HAL: variants seen among roughly 807,000 people sequenced by gnomAD.
The protein encoded by HAL is histidase.
In HAL, 85 loss-of-function variants were observed where a neutral mutation model predicts 81.1. The observed-to-expected ratio is 1.05, with a 90% CI of 0.88 to 1.25. The LOEUF is 1.25. Among genes scored for constraint, HAL ranks in the 50% most tolerant of loss-of-function variants. The pLI, the probability that HAL is intolerant of heterozygous loss-of-function variation, is 0.00. For synonymous variants in HAL, 301 were observed against 309.2 expected, an observed-to-expected ratio of 0.97 and a Z score of 0.28; for missense variants, 798 against 836.6, an observed-to-expected ratio of 0.95 and a Z score of 0.57.
chr12:95,988,148 TAAA>T (rs769484102), intron 11 of HAL, 42 bp downstream of exon 11: 69 of 918,246 alleles, frequency 7.5e-5, no homozygotes, highest in Non-Finnish European at 1.1e-4. Flanking sequence ...ACTGCATAAA[TAAA>T]AACTCATGCA....
chr12:95,989,539 A>G (rs1377173147), intron 10 of HAL: 1 of 152,428 alleles, frequency 6.6e-6, no homozygotes, highest in African/African-American at 2.4e-5. Context: ...GCAGAACCAC[A>G]CATAGAAGGG....
chr12:95,983,404 A>T (rs1454648034), intron 15 of HAL, among the ~76,000 whole-genome samples: 1 of 152,216 alleles, frequency 6.6e-6, no homozygotes. Context: ...AACAAAAAAA[A>T]AAATGCCAAA....
In HAL at chr12:95,994,976, T is replaced by G; in HGVS notation, c.265A>C (p.Met89Leu). 1 of 1,611,416 alleles carries G rather than the reference T, an allele frequency of 6.2e-7. No homozygotes were observed. Among genetic ancestry groups the G allele is most frequent in the Non-Finnish European group, 8.5e-7 (1 of 1,177,602 alleles). The change falls in exon 3 of 21, where the codon ATG becomes CTG. Residue 89 changes from methionine to leucine, a missense_variant. Physicochemically the swap from Met to Leu is conservative, Grantham distance 15 (BLOSUM62 2). Transcript: ENST00000261208. ...FVEVVIEGDA[M>L]SPDFIPSQPE... ...TGAGATGGAATGAAGTCAGGAGACA[T>G]GGCATCACCCTCTATAACTAAAACA...
chr12:95,977,423 G>A (rs969683585), intron 18 of HAL, among the ~76,000 whole-genome samples: 3 of 151,328 alleles, frequency 2.0e-5, no homozygotes, highest in South Asian at 2.1e-4. Context: ...TGGGAGGATC[G>A]CTTGAGGCCA....
At chr12:95,980,926 C>T (rs2080787117) in intron 15 of HAL, 63 bp from the exon 16 acceptor site, 5 of 960,136 alleles carry the variant, frequency 5.2e-6, no homozygotes, top group Admixed American at 1.7e-5. Context: ...CAACCCCTTC[C>T]TGCCTTCTTT....
At chr12:95,995,289 G>C (rs1950020493) in intron 2 of HAL, 2 of 567,388 alleles carry the variant, frequency 3.5e-6, no homozygotes, top group Non-Finnish European at 6.3e-6. Flanking sequence ...CTATGCTGCC[G>C]GCCTCCAGTC....
chr12:95,993,358 C>G, intron 8 of HAL, 93 bp downstream of exon 8: 1 of 874,100 alleles, frequency 1.1e-6, no homozygotes, highest in South Asian at 1.3e-5. Context: ...GAGAAACTAG[C>G]TTTTTGTGAC....
At chr12:95,988,918 T>G (rs1232868407) in intron 10 of HAL, among the ~76,000 whole-genome samples, 1 of 152,094 alleles carries the variant, frequency 6.6e-6, no homozygotes, top group Non-Finnish European at 1.5e-5. Context: ...CTGGTCCCAT[T>G]TACTACGTCA....
chr12:95,992,408 C>T (rs1427056321), intron 9 of HAL, among the ~76,000 whole-genome samples: 3 of 152,216 alleles, frequency 2.0e-5, no homozygotes, highest in African/African-American at 7.2e-5. Flanking sequence ...AATGTAAGGG[C>T]AGACTTAAGA....
At chr12:95,975,219 C>T (rs1448502222) in intron 20 of HAL, among the ~76,000 whole-genome samples, 1 of 152,266 alleles carries the variant, frequency 6.6e-6, no homozygotes, top group Non-Finnish European at 1.5e-5. Flanking sequence ...GGCCTTCACC[C>T]AGACCTACTG....
intron 9 of HAL, among the ~76,000 whole-genome samples, chr12:95,991,658 G>A (rs1347382457): frequency 6.6e-6 from 1 of 152,196 alleles, no homozygotes; most frequent in Non-Finnish European, 1.5e-5. Context: ...GTCGGGTATG[G>A]CAGTGCCATC....
intron 4 of HAL, 42 bp downstream of exon 4, chr12:95,994,756 G>A (rs756903994): frequency 1.3e-6 from 2 of 1,587,528 alleles, no homozygotes; most frequent in Non-Finnish European, 1.7e-6. Context: ...TAAATAAGGG[G>A]CCTTAATTTT....
intron 2 of HAL, 111 bp from the exon 3 acceptor site, chr12:95,995,104 C>T: frequency 1.2e-6 from 1 of 829,148 alleles, no homozygotes; most frequent in Non-Finnish European, 2.1e-6. Flanking sequence ...GAAATGGCTG[C>T]TTTAAAACTG....
Position 95,982,611 on chromosome 12 carries a change from T to TA in HAL, c.1287+1299dup, listed in dbSNP as rs200465916. Among the ~76,000 whole-genome samples, 1,200 of 152,334 alleles carry TA rather than the reference T, an allele frequency of 7.9e-3. 21 individuals carry two copies. The highest frequency in any genetic ancestry group is 0.074 in the South Asian group (355 of 4,828). The stretch of plus-strand genomic sequence containing the variant: ...AGACCCACAATTTCTGAGGCTTATT[T>TA]AGTGTGGGTTTGACTTCAGTGTAAA... On this transcript the variant is annotated intron_variant, in intron 15 of 20. Coordinates refer to ENST00000261208, the MANE Select transcript of HAL (RefSeq NM_002108.4).
At chr12:95,979,528 G>T (rs546707489) in intron 17 of HAL, among the ~76,000 whole-genome samples, 7 of 152,260 alleles carry the variant, frequency 4.6e-5, no homozygotes, top group Admixed American at 1.3e-4. Flanking sequence ...TGGCAGAGCT[G>T]GGCTTCTGAT....
Position 95,976,433 on chromosome 12 carries a change from T to A in HAL, c.1829A>T (p.Gln610Leu). 6.2e-7 allele frequency: 1 copy of A among 1,613,074 alleles called. No individual in the cohort carries two copies. The highest frequency in any genetic ancestry group is 8.5e-7 in the Non-Finnish European group (1 of 1,178,978). ...IEAAHRLLLEQKVWEVAAPYI... is the reference protein window; with the variant it reads ...IEAAHRLLLELKVWEVAAPYI... ...CAAGCCAAGGAGCCAGCTTGCCTTC[T>A]GCTCCAGGAGCAGCCTGTGGGCTGC... is the stretch of plus-strand genomic sequence containing the variant. The change falls in exon 20 of 21, where the codon CAG (glutamine) becomes CTG (leucine). Residue 610 changes from glutamine to leucine, a missense_variant. Gln to Leu is a moderately radical substitution (Grantham distance 113, BLOSUM62 -2). Coordinates refer to ENST00000261208, the MANE Select transcript of HAL (RefSeq NM_002108.4).
chr12:95,995,232 T>C (rs1177225246), intron 2 of HAL: 2 of 597,948 alleles, frequency 3.3e-6, no homozygotes, highest in Non-Finnish European at 5.9e-6. Flanking sequence ...AGAATTCCAC[T>C]TCCATCCCCA....
rs1362691806 is a variant in HAL, at chr12:95,983,233, C to A, written c.1287+678G>T. 2.6e-5 allele frequency among the ~76,000 whole-genome samples: 4 copies of A among 152,090 alleles called. No homozygotes were observed. In the East Asian group the frequency reaches 7.7e-4, roughly 29 times the overall value. ...CAAAACCCTGTCTCTACTAAAAATA[C>A]AAATATTAGCCAGGCCTGCTGGCAC... is the stretch of plus-strand genomic sequence containing the variant. On this transcript the variant is annotated intron_variant, in intron 15 of 20. Coordinates refer to ENST00000261208, the MANE Select transcript of HAL (RefSeq NM_002108.4).
chr12:95,973,928 C>A lies in HAL; in HGVS notation c.*304G>T. On this transcript the variant is annotated 3_prime_UTR_variant, in exon 21 of 21. Transcript: ENST00000261208. ...TCTAATGCTAAGAGTAAAAAACAGG[C>A]ACATACAATTGTGGTTATTCTTCTC... 3.1e-6 allele frequency: 1 copy of A among 319,156 alleles called. No homozygotes were observed. The highest frequency in any genetic ancestry group is 5.8e-6 in the Non-Finnish European group (1 of 172,766). The allele number at this position is 319,156 out of a possible 1,614,324, so 19.8% of individuals were successfully genotyped here.
Sources: allele counts gnomAD v4.1 joint callset (sites outside exome capture counted in the v4.1 genomes callset), GRCh38; gene constraint gnomAD v4.1.1; transcripts MANE v1.5; gene names NCBI Gene and HGNC (gene_info 2026-07-23, HGNC 2026-07-21).